RAP1GDS1: variants seen among roughly 807,000 people sequenced by gnomAD.
The protein encoded by RAP1GDS1 is Rap1 GTPase-GDP dissociation stimulator 1.
In RAP1GDS1, 35 loss-of-function variants were observed where a neutral mutation model predicts 71.1. The ratio of observed to expected loss-of-function variants is 0.49; its 90% CI spans 0.38 to 0.65. The LOEUF is 0.65. RAP1GDS1 is among the 30% of genes least tolerant of loss of function. The pLI is 0.00. For synonymous variants in RAP1GDS1, 229 were observed against 243.1 expected, an observed-to-expected ratio of 0.94 and a Z score of 0.54; for missense variants, 663 against 706.1, an observed-to-expected ratio of 0.94 and a Z score of 0.69.
In RAP1GDS1 at chr4:98,269,491, TAA is replaced by T. The variant is rs548198644; in HGVS notation, c.4+7923_4+7924del. ...AACAAATGGGACTTCATCAAATTAATAAGTTTCTCTGTAGCAAAGGAAACAAC... is the reference window on the plus strand; with the variant it reads ...AACAAATGGGACTTCATCAAATTAATGTTTCTCTGTAGCAAAGGAAACAAC... On this transcript the variant is annotated intron_variant, in intron 1 of 14. Transcript: ENST00000408927. Among the ~76,000 whole-genome samples, 172 of 152,168 alleles carry T rather than the reference TAA, an allele frequency of 1.1e-3. 1 individual carries two copies. The South Asian group carries it at 0.018, about 16-fold the overall frequency.
chr4:98,372,291 T>C (rs974794504), intron 4 of RAP1GDS1, among the ~76,000 whole-genome samples: 10 of 152,162 alleles, frequency 6.6e-5, no homozygotes, highest in African/African-American at 2.2e-4. Context: ...GCATCATGAA[T>C]AGCTGGGACT....
intron 6 of RAP1GDS1, 184 bp downstream of exon 6, chr4:98,392,264 TTA>T: frequency 4.1e-6 from 2 of 490,920 alleles, no homozygotes; most frequent in Non-Finnish European, 6.8e-6. Context: ...ATTGCATTGT[TTA>T]TGAGAGCGTT....
intron 1 of RAP1GDS1, among the ~76,000 whole-genome samples, chr4:98,285,111 T>C (rs2110261772): frequency 6.6e-6 from 1 of 152,316 alleles, no homozygotes; most frequent in East Asian, 1.9e-4. Context: ...TGGTTTGTTA[T>C]ATAAAAACGT....
intron 2 of RAP1GDS1, among the ~76,000 whole-genome samples, chr4:98,331,333 C>G (rs1560851437): frequency 8.0e-6 from 1 of 125,492 alleles, no homozygotes; most frequent in Non-Finnish European, 1.6e-5. Flanking sequence ...AAGCGGGAGA[C>G]AGAGACCACG....
intron 1 of RAP1GDS1, among the ~76,000 whole-genome samples, chr4:98,274,939 T>A (rs1723985888): frequency 6.6e-6 from 1 of 152,112 alleles, no homozygotes; most frequent in African/African-American, 2.4e-5. Context: ...CAAATACAAT[T>A]TAATTAACTC....
chr4:98,330,582 C>G (rs573846752), intron 2 of RAP1GDS1, among the ~76,000 whole-genome samples: 1 of 143,786 alleles, frequency 7.0e-6, no homozygotes, highest in African/African-American at 2.6e-5. Flanking sequence ...ACATCCCAGA[C>G]GGGGCGGCCG....
At chr4:98,425,415 C>G (rs1185963064) in intron 12 of RAP1GDS1, among the ~76,000 whole-genome samples, 1 of 152,068 alleles carries the variant, frequency 6.6e-6, no homozygotes, top group African/African-American at 2.4e-5. Flanking sequence ...TGTAAATGGC[C>G]TAAATGTTCC....
chr4:98,426,957 A>C (rs1749706496), intron 12 of RAP1GDS1, among the ~76,000 whole-genome samples: 1 of 152,126 alleles, frequency 6.6e-6, no homozygotes, highest in South Asian at 2.1e-4. Context: ...GAACATAGAT[A>C]CAAAAATCCT....
At position 98,436,076 on chromosome 4, in the gene RAP1GDS1, AAAAAT is replaced by A. The variant is rs1200122822; in HGVS notation, c.1568-862_1568-858del. 1.2e-3 allele frequency among the ~76,000 whole-genome samples: 174 copies of A among 143,798 alleles called. 1 individual carries two copies. The South Asian group carries it at 0.019, about 16-fold the overall frequency. 94.3% of individuals were successfully genotyped at this position (143,798 alleles called of 152,430 possible). On this transcript the variant is annotated intron_variant, in intron 13 of 14. Coordinates refer to ENST00000408927, the MANE Select transcript of RAP1GDS1 (RefSeq NM_001100427.2). The stretch of plus-strand genomic sequence containing the variant: ...ACAGAGCCAGACGCTGTCTCAAAAA[AAAAAT>A]ATATATATATATATATATCGGTATA...
chr4:98,375,626 T>C (rs995969890), intron 4 of RAP1GDS1, among the ~76,000 whole-genome samples: 1 of 152,194 alleles, frequency 6.6e-6, no homozygotes, highest in Non-Finnish European at 1.5e-5. Flanking sequence ...AATTTAAAGA[T>C]GCAAGTGACA....
intron 2 of RAP1GDS1, among the ~76,000 whole-genome samples, chr4:98,322,541 G>A (rs1478144006): frequency 1.9e-5 from 1 of 51,484 alleles, no homozygotes; most frequent in African/African-American, 1.2e-4. Context: ...CTCAGCAAAT[G>A]TAAAAGAACA....
intron 5 of RAP1GDS1, among the ~76,000 whole-genome samples, chr4:98,382,729 CT>C (rs1216866338): frequency 6.6e-6 from 1 of 151,490 alleles, no homozygotes; most frequent in East Asian, 1.9e-4. Context: ...CATTGATTGA[CT>C]TTTTCTGGAT....
At chr4:98,346,367 G>T (rs997943310) in intron 3 of RAP1GDS1, among the ~76,000 whole-genome samples, 2 of 151,776 alleles carry the variant, frequency 1.3e-5, no homozygotes, top group African/African-American at 4.8e-5. Context: ...TTTTAATTTT[G>T]CCCTCTATTC....
intron 2 of RAP1GDS1, among the ~76,000 whole-genome samples, chr4:98,316,153 A>C (rs559928282): frequency 7.9e-5 from 12 of 152,138 alleles, no homozygotes; most frequent in Non-Finnish European, 1.2e-4. Flanking sequence ...AGATAAATAG[A>C]TAGGGTTTAG....
At chr4:98,335,155 T>C (rs1220029666) in intron 2 of RAP1GDS1, among the ~76,000 whole-genome samples, 1 of 152,194 alleles carries the variant, frequency 6.6e-6, no homozygotes, top group Non-Finnish European at 1.5e-5. Context: ...CCTTTTCTTA[T>C]TAATCTCTCA....
At chr4:98,382,660 G>A (rs1326715214) in intron 5 of RAP1GDS1, among the ~76,000 whole-genome samples, 1 of 151,584 alleles carries the variant, frequency 6.6e-6, no homozygotes, top group Non-Finnish European at 1.5e-5. Context: ...ATTTTGTTCA[G>A]TCATCCAGCT....
intron 2 of RAP1GDS1, among the ~76,000 whole-genome samples, chr4:98,321,528 C>A (rs1338377621): frequency 1.4e-5 from 2 of 146,492 alleles, no homozygotes; most frequent in Non-Finnish European, 3.0e-5. Context: ...AGAGAAAGGT[C>A]GGGTTACCCT....
intron 4 of RAP1GDS1, among the ~76,000 whole-genome samples, chr4:98,373,127 T>C (rs1334301345): frequency 1.3e-5 from 2 of 152,260 alleles, no homozygotes; most frequent in Non-Finnish European, 2.9e-5. Context: ...TGAAAAACTT[T>C]TACTAACATT....
chr4:98,373,314 TTC>T (rs2110471346), intron 4 of RAP1GDS1, among the ~76,000 whole-genome samples: 1 of 152,280 alleles, frequency 6.6e-6, no homozygotes, highest in African/African-American at 2.4e-5. Context: ...TCTGCTTTAT[TTC>T]TTATTTTTTC....
Sources: gnomAD v4.1 joint callset for allele counts (sites outside exome capture counted in the v4.1 genomes callset) on GRCh38, gnomAD v4.1.1 for gene constraint, MANE v1.5 for transcripts, NCBI Gene and HGNC (gene_info 2026-07-23, HGNC 2026-07-21) for gene names.